ACAP1: variants seen among roughly 807,000 people sequenced by gnomAD.
ACAP1 encodes arf-GAP with coiled-coil, ANK repeat and PH domain-containing protein 1.
Under a neutral mutation model 98.8 loss-of-function variants are expected in ACAP1, and 45 were observed. The observed-to-expected ratio is 0.46, with a 90% CI of 0.36 to 0.58. The LOEUF (loss-of-function observed/expected upper bound fraction) is 0.58, where lower values mean the gene tolerates loss of function less well. Ranked by LOEUF, ACAP1 falls within the 20% of genes least tolerant of loss-of-function variation. The probability of loss-of-function intolerance (pLI) is 0.00; values close to 1 mark genes in which losing one functional copy is unlikely to be tolerated. For synonymous variants in ACAP1, 362 were observed against 375.3 expected (o/e 0.96, Z 0.41); for missense variants, 735 against 971.4 (o/e 0.76, Z 3.24).
intron 2 of ACAP1, among the ~76,000 whole-genome samples, chr17:7,337,847 C>T (rs955852954): frequency 1.3e-5 from 2 of 151,816 alleles, no homozygotes; most frequent in Non-Finnish European, 2.9e-5. Flanking sequence ...GAGCGAGACT[C>T]TGTGTCAAAA....
chr17:7,349,452 T>C (rs2073380981), intron 18 of ACAP1: 1 of 329,088 alleles, frequency 3.0e-6, no homozygotes, highest in Non-Finnish European at 5.6e-6. Flanking sequence ...CTCGGCTCAC[T>C]GCAAGCTCCG....
At chr17:7,346,611 C>T (rs1051449635) in intron 12 of ACAP1, 120 bp downstream of exon 12, 36 of 1,189,678 alleles carry the variant, frequency 3.0e-5, no homozygotes, top group East Asian at 4.7e-5. Flanking sequence ...AATTCTTTGG[C>T]GGCTGGACTG....
chr17:7,343,221 T>G lies in ACAP1; in HGVS notation c.345-158T>G. 9 of 671,324 alleles carry G rather than the reference T, an allele frequency of 1.3e-5. No homozygotes were observed. Among genetic ancestry groups the G allele is most frequent in the Non-Finnish European group, 2.0e-5 (8 of 409,786 alleles). 41.6% of individuals were successfully genotyped at this position (671,324 alleles called of 1,614,324 possible). A position where few individuals can be genotyped will look rare whatever the true frequency, so the allele number is the denominator to read the frequency against. On this transcript the variant is annotated intron_variant, in intron 5 of 21. Coordinates refer to ENST00000158762, the MANE Select transcript of ACAP1 (RefSeq NM_014716.4). The surrounding 1 kb of genome is among the most constrained non-coding windows in gnomAD (Gnocchi z 4.9). ...CCTCCCCAGTGACGGAGTTGTGAGATTGGGGGTTTCTGGTGTCCTGACTTC... is the reference window on the plus strand; with the variant it reads ...CCTCCCCAGTGACGGAGTTGTGAGAGTGGGGGTTTCTGGTGTCCTGACTTC...
chr17:7,351,454 T>C lies in ACAP1; in HGVS notation c.*59T>C. On this transcript the variant is annotated 3_prime_UTR_variant, in exon 22 of 22. Coordinates refer to ENST00000158762, the MANE Select transcript of ACAP1 (RefSeq NM_014716.4). ...TCCCCGCCACCGGGCCCTCTGCCAT[T>C]AAAGCCTCCGTGCTTCGCTCTTCCC... 1 of 1,295,324 alleles carries C rather than the reference T, an allele frequency of 7.7e-7. No individual in the cohort carries two copies. Among genetic ancestry groups the C allele is most frequent in the Non-Finnish European group, 1.1e-6 (1 of 914,450 alleles). The allele number at this position is 1,295,324 out of a possible 1,614,324, so 80.2% of individuals were successfully genotyped here.
intron 10 of ACAP1, 24 bp from the exon 11 acceptor site, chr17:7,346,220 T>C: frequency 6.2e-7 from 1 of 1,612,860 alleles, no homozygotes; most frequent in Non-Finnish European, 8.5e-7. Flanking sequence ...TGCCTATGTC[T>C]GTAATGATTT....
At chr17:7,342,242 C>T (rs2073291181) in intron 3 of ACAP1, 33 bp from the exon 4 acceptor site, 12 of 1,612,688 alleles carry the variant, frequency 7.4e-6, no homozygotes, top group Non-Finnish European at 1.0e-5. Flanking sequence ...CCACCCCATG[C>T]CTGGTACTCT....
At chr17:7,341,244 G>A (rs999067903) in intron 2 of ACAP1, among the ~76,000 whole-genome samples, 1 of 152,074 alleles carries the variant, frequency 6.6e-6, no homozygotes, top group Non-Finnish European at 1.5e-5. Context: ...TTGACCTCCC[G>A]GATTCAGGCA....
intron 15 of ACAP1, 63 bp downstream of exon 15, chr17:7,348,054 G>A (rs1476839684): frequency 1.2e-6 from 2 of 1,610,448 alleles, no homozygotes; most frequent in Non-Finnish European, 1.7e-6. Context: ...ACATGGCGGT[G>A]CAGGGGCGTG....
intron 10 of ACAP1, chr17:7,345,475 C>G (rs2073337363): frequency 6.6e-6 from 1 of 152,060 alleles, no homozygotes; most frequent in South Asian, 2.1e-4. Context: ...AGGCGTGTGC[C>G]ATCACGCTCG....
intron 5 of ACAP1, chr17:7,342,737 T>A: frequency 2.0e-6 from 1 of 503,012 alleles, no homozygotes; most frequent in Non-Finnish European, 3.6e-6. Flanking sequence ...CCAGCTCTAC[T>A]AAAAAATACG....
At chr17:7,349,198 C>G in intron 18 of ACAP1, 31 bp downstream of exon 18, 1 of 1,610,930 alleles carries the variant, frequency 6.2e-7, no homozygotes, top group Non-Finnish European at 8.5e-7. Flanking sequence ...TCCACCCCAC[C>G]CTAGGGCTCT....
chr17:7,349,810 A>G lies in ACAP1; in HGVS notation c.1852-135A>G. 5.8e-6 allele frequency: 4 copies of G among 691,244 alleles called. No individual in the cohort carries two copies. The South Asian group carries it at 7.8e-5, about 14-fold the overall frequency. The allele number at this position is 691,244 out of a possible 1,614,324, so 42.8% of individuals were successfully genotyped here. On this transcript the variant is annotated intron_variant, in intron 18 of 21. Transcript: ENST00000158762. The stretch of plus-strand genomic sequence containing the variant: ...AGCCAAGCCTAGCTTGGTTACAGTT[A>G]GCTGTAACCCCTTCCACACTCCTGA...
In ACAP1 at chr17:7,351,341, G is replaced by C. The variant is rs2073408146; in HGVS notation, c.2169G>C (p.Ala723=). Residue 723 remains alanine (A), a synonymous_variant, in exon 22 of 22, where the codon GCG becomes GCC. Transcript: ENST00000158762. ...TCTTCCGCGACTTCTCCCTCATGGC[G>C]TCAGACGACCCGGAGAAGCTGAGCC... ...LDIFRDFSLM[A]SDDPEKLSRR... is the part of the protein sequence containing the mutation. 4.3e-6 allele frequency: 7 copies of C among 1,613,722 alleles called. No individual in the cohort carries two copies. The East Asian group carries it at 1.6e-4, about 36-fold the overall frequency.
intron 12 of ACAP1, 21 bp downstream of exon 12, chr17:7,346,512 T>C: frequency 6.4e-7 from 1 of 1,567,092 alleles, no homozygotes. Flanking sequence ...TCCCCAGGGG[T>C]GATACTCTAA....
rs765864358 is a variant in ACAP1, at chr17:7,343,588, G to A, written c.528+26G>A. On this transcript the variant is annotated intron_variant, in intron 6 of 21. Coordinates refer to ENST00000158762, the MANE Select transcript of ACAP1 (RefSeq NM_014716.4). The surrounding 1 kb of genome is among the most constrained non-coding windows in gnomAD (Gnocchi z 4.9). ...GTGCCTGCCCCAATCTGTCTTCCTG[G>A]GGTACCAGAGCCTCAAGTGTCACCT... is the stretch of plus-strand genomic sequence containing the variant. The A allele has an allele frequency of 6.2e-7, 1 of 1,602,858 alleles. No homozygotes were observed. The highest frequency in any genetic ancestry group is 2.2e-5 in the East Asian group (1 of 44,688).
intron 14 of ACAP1, chr17:7,347,586 C>T (rs1320207666): frequency 3.8e-6 from 2 of 526,262 alleles, no homozygotes; most frequent in Non-Finnish European, 6.8e-6. Context: ...CTAAGGCCCT[C>T]GCCCCCCACC....
chr17:7,348,008 T>C lies in ACAP1; in HGVS notation c.1413+17T>C. The C allele has an allele frequency of 6.2e-7, 1 of 1,613,982 alleles. No homozygotes were observed. The highest frequency in any genetic ancestry group is 1.1e-5 in the South Asian group (1 of 91,080). ...CTAGTGAAGGTAACTTAGCGTATTG[T>C]GAAGATTGGGGGCAAGAACTTGGGG... On this transcript the variant is annotated intron_variant, in intron 15 of 21. Coordinates refer to ENST00000158762, the MANE Select transcript of ACAP1 (RefSeq NM_014716.4).
intron 2 of ACAP1, among the ~76,000 whole-genome samples, chr17:7,339,994 C>T (rs2073260108): frequency 6.6e-6 from 1 of 152,164 alleles, no homozygotes; most frequent in South Asian, 2.1e-4. Flanking sequence ...GGTGTGGTCG[C>T]TCATGCCTGT....
intron 18 of ACAP1, 103 bp downstream of exon 18, chr17:7,349,270 G>A: frequency 7.8e-7 from 1 of 1,285,898 alleles, no homozygotes; most frequent in Non-Finnish European, 1.1e-6. Context: ...TGTTCCCTAG[G>A]GCTTCCACCC....
Sources: gnomAD v4.1 joint callset for allele counts (sites outside exome capture counted in the v4.1 genomes callset) on GRCh38, gnomAD v4.1.1 for gene constraint, Gnocchi (gnomAD v3.1) non-coding constraint, MANE v1.5 for transcripts, NCBI Gene and HGNC (gene_info 2026-07-23, HGNC 2026-07-21) for gene names.